SAMD5: variants seen among roughly 807,000 people sequenced by gnomAD.
SAMD5 encodes sterile alpha motif domain-containing protein 5.
A neutral mutation model predicts 11.3 loss-of-function variants in SAMD5; 13 were observed. That is an observed-to-expected ratio of 1.15 (90% CI 0.75 to 1.83). The LOEUF (loss-of-function observed/expected upper bound fraction) is 1.83. Among genes scored for constraint, SAMD5 ranks in the 40% most tolerant of loss-of-function variants. The pLI is 0.00. For synonymous variants in SAMD5, 129 were observed against 111.3 expected (o/e 1.16, Z -1.00); for missense variants, 255 against 239.1 (o/e 1.07, Z -0.44).
intron 1 of SAMD5, among the ~76,000 whole-genome samples, chr6:147,631,710 T>G (rs149842049): frequency 1.3e-5 from 2 of 152,106 alleles, no homozygotes; most frequent in Non-Finnish European, 2.9e-5. Context: ...CAAGAGGTAT[T>G]TTAGTTTCCT....
chr6:147,935,409 G>C, the SAMD5 span, among the ~76,000 whole-genome samples: 30 of 152,224 alleles, frequency 2.0e-4, no homozygotes, highest in Middle Eastern at 3.4e-3. Flanking sequence ...TGACTAATGG[G>C]CAACTTTACC....
At chr6:147,522,492 A>G (rs1451983859) in intron 1 of SAMD5, among the ~76,000 whole-genome samples, 1 of 152,204 alleles carries the variant, frequency 6.6e-6, no homozygotes, top group African/African-American at 2.4e-5. Flanking sequence ...ATTGTGATGT[A>G]TTAATATTAC....
the SAMD5 span, among the ~76,000 whole-genome samples, chr6:147,879,438 C>T: frequency 6.6e-6 from 1 of 152,186 alleles, no homozygotes; most frequent in Non-Finnish European, 1.5e-5. Flanking sequence ...ACTCAGACCT[C>T]AGCTTTCTGG....
the SAMD5 span, among the ~76,000 whole-genome samples, chr6:147,877,591 G>A: frequency 4.6e-5 from 7 of 152,074 alleles, no homozygotes; most frequent in Non-Finnish European, 8.8e-5. Flanking sequence ...AGGTGTTTCC[G>A]TAAAGGTATT....
chr6:147,789,274 G>A, the SAMD5 span, among the ~76,000 whole-genome samples: 1 of 107,138 alleles, frequency 9.3e-6, no homozygotes, highest in Admixed American at 1.0e-4. Flanking sequence ...CCAGTCTCTA[G>A]AAAAACACAC....
At chr6:147,841,477 T>G in the SAMD5 span, among the ~76,000 whole-genome samples, 1 of 152,214 alleles carries the variant, frequency 6.6e-6, no homozygotes, top group Non-Finnish European at 1.5e-5. Context: ...GAGTTTGCAT[T>G]TAATAGAATG....
chr6:147,686,219 G>A (rs1791009159), intron 1 of SAMD5, among the ~76,000 whole-genome samples: 1 of 152,066 alleles, frequency 6.6e-6, no homozygotes, highest in African/African-American at 2.4e-5. Flanking sequence ...TATATTGCAG[G>A]CATCTTCTCT....
At chr6:147,627,158 A>G (rs1193628112) in intron 1 of SAMD5, among the ~76,000 whole-genome samples, 1 of 152,208 alleles carries the variant, frequency 6.6e-6, no homozygotes, top group Admixed American at 6.5e-5. Flanking sequence ...GAATATTTAT[A>G]TGGACAGATT....
chr6:147,510,358 G>T (rs1788069725), intron 1 of SAMD5, among the ~76,000 whole-genome samples: 1 of 152,170 alleles, frequency 6.6e-6, no homozygotes, highest in Admixed American at 6.5e-5. Flanking sequence ...CGGAGTAGAG[G>T]GTCCTGACTT....
chr6:147,749,088 C>T, the SAMD5 span, among the ~76,000 whole-genome samples: 27 of 151,736 alleles, frequency 1.8e-4, no homozygotes, highest in Admixed American at 1.6e-3. Flanking sequence ...AGATGTATTT[C>T]TTTGGCTTCT....
chr6:147,773,823 A>G, the SAMD5 span, among the ~76,000 whole-genome samples: 1 of 152,032 alleles, frequency 6.6e-6, no homozygotes, highest in Non-Finnish European at 1.5e-5. Context: ...AGGTGGTGAA[A>G]GGGGCAAGGA....
chr6:147,731,990 A>G (rs377174315), intron 1 of SAMD5, among the ~76,000 whole-genome samples: 1 of 152,200 alleles, frequency 6.6e-6, no homozygotes, highest in African/African-American at 2.4e-5. Context: ...AAGGCTTTTG[A>G]TGACTGGAAA....
the SAMD5 span, among the ~76,000 whole-genome samples, chr6:147,750,592 A>C: frequency 2.0e-5 from 3 of 152,100 alleles, no homozygotes; most frequent in Non-Finnish European, 4.4e-5. Flanking sequence ...CAGTTTGATG[A>C]GGCTCAGGAT....
intron 1 of SAMD5, among the ~76,000 whole-genome samples, chr6:147,552,115 C>G (rs1788785247): frequency 6.6e-6 from 1 of 152,074 alleles, no homozygotes; most frequent in African/African-American, 2.4e-5. Context: ...CCTGCAGAAA[C>G]TACAAGGGAT....
chr6:147,607,776 C>A (rs551840556), intron 1 of SAMD5, among the ~76,000 whole-genome samples: 4 of 152,248 alleles, frequency 2.6e-5, no homozygotes, highest in Admixed American at 2.6e-4. Context: ...GCAACCAAAG[C>A]AAATACAGAC....
At chr6:147,783,396 G>C in the SAMD5 span, among the ~76,000 whole-genome samples, 1 of 150,458 alleles carries the variant, frequency 6.6e-6, no homozygotes, top group African/African-American at 2.4e-5. Context: ...TTTTTTGCGG[G>C]GGGTCGGGGC....
intron 1 of SAMD5, among the ~76,000 whole-genome samples, chr6:147,652,639 A>G (rs915971292): frequency 2.8e-4 from 43 of 152,248 alleles, no homozygotes; most frequent in African/African-American, 9.9e-4. Context: ...ATCCCTATGT[A>G]TTCACTCCTG....
intron 1 of SAMD5, among the ~76,000 whole-genome samples, chr6:147,512,327 G>T (rs2128439013): frequency 6.6e-6 from 1 of 152,242 alleles, no homozygotes; most frequent in South Asian, 2.1e-4. Context: ...CTCCTTTGCA[G>T]TCATTTGCAT....
intron 1 of SAMD5, among the ~76,000 whole-genome samples, chr6:147,731,593 ATAATC>A (rs1281126202): frequency 1.3e-5 from 2 of 150,772 alleles, no homozygotes; most frequent in Non-Finnish European, 2.9e-5. Flanking sequence ...TTCCCAGTGA[ATAATC>A]TACGTTTAAA....
Sources: gnomAD v4.1 joint callset for allele counts (sites outside exome capture counted in the v4.1 genomes callset) on GRCh38, gnomAD v4.1.1 for gene constraint, MANE v1.5 for transcripts, NCBI Gene and HGNC (gene_info 2026-07-23, HGNC 2026-07-21) for gene names.